The following EXOC4 variants were observed in gnomAD, a reference collection of about 807,000 sequenced individuals.
EXOC4 encodes the protein SEC8-like 1.
Under a neutral mutation model 107.2 loss-of-function variants are expected in EXOC4, and 71 were observed. The observed-to-expected ratio is 0.66, with a 90% CI of 0.55 to 0.81. The LOEUF (loss-of-function observed/expected upper bound fraction) is 0.81, where lower values mean the gene tolerates loss of function less well. Ranked by LOEUF, EXOC4 falls within the 30% of genes least tolerant of loss-of-function variation. The pLI, the probability that EXOC4 is intolerant of heterozygous loss-of-function variation, is 0.00. For missense variants in EXOC4, 1,108 were observed against 1,189.6 expected (o/e 0.93, Z 1.01); for synonymous variants, 456 against 441.2 (o/e 1.03, Z -0.42).
At chr7:133,511,900 G>A (rs1239948881) in intron 9 of EXOC4, among the ~76,000 whole-genome samples, 1 of 151,932 alleles carries the variant, frequency 6.6e-6, no homozygotes, top group African/African-American at 2.4e-5. Context: ...TGTTAGTCCT[G>A]TGTGAAATGC....
chr7:133,365,415 T>C (rs1023214372), intron 6 of EXOC4, among the ~76,000 whole-genome samples: 2 of 152,110 alleles, frequency 1.3e-5, no homozygotes, highest in African/African-American at 4.8e-5. Flanking sequence ...TATTTTCTAA[T>C]TTTAGCCACA....
intron 6 of EXOC4, among the ~76,000 whole-genome samples, chr7:133,368,383 G>A (rs922545875): frequency 4.6e-5 from 7 of 152,142 alleles, no homozygotes; most frequent in Admixed American, 3.3e-4. Flanking sequence ...TGGAATATAA[G>A]CAGGACTTTA....
intron 9 of EXOC4, among the ~76,000 whole-genome samples, chr7:133,507,244 C>T (rs984082695): frequency 1.3e-5 from 2 of 152,076 alleles, no homozygotes; most frequent in Non-Finnish European, 2.9e-5. Flanking sequence ...ATATACCTAT[C>T]TTGCTTATTT....
intron 10 of EXOC4, among the ~76,000 whole-genome samples, chr7:133,649,492 T>C (rs570723969): frequency 1.4e-3 from 181 of 128,446 alleles, no homozygotes; most frequent in African/African-American, 5.1e-3. Context: ...TTTTAACCAG[T>C]AAAGATTATT....
chr7:133,515,783 T>A (rs1799865138), intron 9 of EXOC4, among the ~76,000 whole-genome samples: 5 of 152,306 alleles, frequency 3.3e-5, no homozygotes, highest in South Asian at 2.1e-4. Flanking sequence ...CTGATTTTTT[T>A]AATCAAATCA....
At chr7:133,663,003 C>T (rs980736334) in intron 10 of EXOC4, among the ~76,000 whole-genome samples, 2 of 152,218 alleles carry the variant, frequency 1.3e-5, no homozygotes, top group Middle Eastern at 3.4e-3. Context: ...GAAAGTGAAA[C>T]AGAAAGGAGT....
intron 11 of EXOC4, among the ~76,000 whole-genome samples, chr7:133,884,580 TCTG>T (rs1345172531): frequency 8.4e-6 from 1 of 118,630 alleles, no homozygotes; most frequent in Admixed American, 9.5e-5. Flanking sequence ...TGCCCTATGC[TCTG>T]TGTGTGTGTG....
At chr7:133,870,640 T>C (rs1454574828) in intron 11 of EXOC4, among the ~76,000 whole-genome samples, 1 of 152,188 alleles carries the variant, frequency 6.6e-6, no homozygotes, top group African/African-American at 2.4e-5. Context: ...CAAATCTCAG[T>C]AGAACAGAGA....
At chr7:133,570,374 G>C (rs1470441620) in intron 9 of EXOC4, among the ~76,000 whole-genome samples, 1 of 152,162 alleles carries the variant, frequency 6.6e-6, no homozygotes, top group Non-Finnish European at 1.5e-5. Context: ...TGTGTACAAA[G>C]CAAATTTGGT....
At chr7:133,992,357 A>C (rs1003057086) in intron 14 of EXOC4, among the ~76,000 whole-genome samples, 1 of 152,090 alleles carries the variant, frequency 6.6e-6, no homozygotes, top group Non-Finnish European at 1.5e-5. Flanking sequence ...ATCTCAGCTC[A>C]CTGCAACTTC....
chr7:133,393,744 C>T (rs1028027486), intron 7 of EXOC4, among the ~76,000 whole-genome samples: 1 of 152,128 alleles, frequency 6.6e-6, no homozygotes, highest in Non-Finnish European at 1.5e-5. Context: ...TTGCTGATGC[C>T]TTTATCTTGG....
Position 133,740,999 on chromosome 7 carries a change from T to G in EXOC4, c.1515-76326T>G, listed in dbSNP as rs1461451581. On this transcript the variant is annotated intron_variant, in intron 10 of 17. Transcript: ENST00000253861. ...AGTTTCCTGTTACTTGCAGCTCAATTAACACTGGTGGAAACAGTCACATAC... is the reference window on the plus strand; with the variant it reads ...AGTTTCCTGTTACTTGCAGCTCAATGAACACTGGTGGAAACAGTCACATAC... Among the ~76,000 whole-genome samples, 12 of 152,164 alleles carry G rather than the reference T, an allele frequency of 7.9e-5. 1 individual carries two copies. Among genetic ancestry groups the G allele is most frequent in the Admixed American group, 7.9e-4 (12 of 15,284 alleles).
At chr7:133,430,373 A>T (rs1797829879) in intron 7 of EXOC4, among the ~76,000 whole-genome samples, 2 of 151,728 alleles carry the variant, frequency 1.3e-5, no homozygotes. Flanking sequence ...AAACGGGATA[A>T]CTCTTCTCAT....
chr7:133,808,241 G>A (rs7783396), intron 10 of EXOC4, among the ~76,000 whole-genome samples: 15,446 of 152,154 alleles, frequency 0.1, 894 homozygotes, highest in Middle Eastern at 0.14. Flanking sequence ...ACAGCTTGTT[G>A]GGAGAGAACC....
At chr7:133,804,887 C>G (rs757260718) in intron 10 of EXOC4, among the ~76,000 whole-genome samples, 1 of 152,134 alleles carries the variant, frequency 6.6e-6, no homozygotes, top group Non-Finnish European at 1.5e-5. Flanking sequence ...GCTTAGCCAG[C>G]CGTATTTCTT....
At position 133,594,493 on chromosome 7, in the gene EXOC4, CTTTTTTTT is replaced by C. The variant is rs532692119; in HGVS notation, c.1418-35539_1418-35532del. On this transcript the variant is annotated intron_variant, in intron 9 of 17. Transcript: ENST00000253861. Reference sequence around the variant, plus strand: ...AGACAAGAAATACATAAGCTTGAGTCTTTTTTTTTTTTTTTTTTTTGAGACGGAGTCTC... The same window carrying C: ...AGACAAGAAATACATAAGCTTGAGTCTTTTTTTTTTTTGAGACGGAGTCTC... Among the ~76,000 whole-genome samples, 64 of 90,372 alleles carry C rather than the reference CTTTTTTTT, an allele frequency of 7.1e-4. 5 individuals carry two copies. In the East Asian group the frequency reaches 0.011, roughly 16 times the overall value. 59.3% of individuals were successfully genotyped at this position (90,372 alleles called of 152,430 possible).
chr7:133,345,894 C>T (rs1281861918), intron 5 of EXOC4, among the ~76,000 whole-genome samples: 1 of 152,146 alleles, frequency 6.6e-6, no homozygotes, highest in Admixed American at 6.5e-5. Flanking sequence ...ATTTAATCTG[C>T]ACCTTAGGGG....
chr7:133,903,319 C>T (rs190352085), intron 12 of EXOC4, among the ~76,000 whole-genome samples: 2 of 152,294 alleles, frequency 1.3e-5, no homozygotes, highest in Admixed American at 1.3e-4. Context: ...TGAAAATAGG[C>T]TTTAGGTAGT....
chr7:133,412,321 G>A lies in EXOC4; in HGVS notation c.1182+37319G>A, dbSNP rs192567111. ...TTTTTTGCCAGTATTTGGTTGATGG[G>A]CATTAGTTAGCTGATAAAAGTGGTA... On this transcript the variant is annotated intron_variant, in intron 7 of 17. Coordinates refer to ENST00000253861, the MANE Select transcript of EXOC4 (RefSeq NM_021807.4). Among the ~76,000 whole-genome samples, 16 of 113,508 alleles carry A rather than the reference G, an allele frequency of 1.4e-4. No individual in the cohort carries two copies. The East Asian group carries it at 4.5e-3, about 32-fold the overall frequency. The allele number at this position is 113,508 out of a possible 152,430, so 74.5% of individuals were successfully genotyped here.
Sources: gnomAD v4.1 joint callset for allele counts (sites outside exome capture counted in the v4.1 genomes callset) on GRCh38, gnomAD v4.1.1 for gene constraint, MANE v1.5 for transcripts, NCBI Gene and HGNC (gene_info 2026-07-23, HGNC 2026-07-21) for gene names.